UMOD: variants seen among roughly 807,000 people sequenced by gnomAD.
The protein encoded by UMOD is uromodulin.
In UMOD, 64 loss-of-function variants were observed where a neutral mutation model predicts 66.0. That is an observed-to-expected ratio of 0.97 (90% CI 0.79 to 1.19). The LOEUF (loss-of-function observed/expected upper bound fraction) is 1.19. Among genes scored for constraint, UMOD ranks in the 50% most tolerant of loss-of-function variants. UMOD has a pLI of 0.00. For synonymous variants in UMOD, 398 were observed against 352.7 expected (o/e 1.13, Z -1.44); for missense variants, 764 against 850.9 (o/e 0.90, Z 1.27).
At position 20,349,093 on chromosome 16, in the gene UMOD, C is replaced by A. The variant is rs756677160; in HGVS notation, c.208G>T (p.Ala70Ser). ...GLTCVDLDEC[A>S]IPGAHNCSAN... ...GAGCAGTTGTGAGCTCCAGGAATGG[C>A]GCACTCATCCAGGTCCACGCAGGTC... Residue 70 changes from alanine (A) to serine (S), a missense_variant, in exon 3 of 11, where the codon GCC becomes TCC. Physicochemically the swap from Ala to Ser is moderately conservative, Grantham distance 99. Coordinates refer to ENST00000396138, the MANE Select transcript of UMOD (RefSeq NM_003361.4). 10 of 1,613,224 alleles carry A rather than the reference C, an allele frequency of 6.2e-6. No homozygotes were observed. Among genetic ancestry groups the A allele is most frequent in the Non-Finnish European group, 7.6e-6 (9 of 1,179,678 alleles).
At chr16:20,344,195 AGGGGGGGT>A in intron 5 of UMOD, 23 bp from the exon 6 acceptor site, 1 of 562,590 alleles carries the variant, frequency 1.8e-6, no homozygotes, top group Non-Finnish European at 2.8e-6. Context: ...ATGGGGGTGG[AGGGGGGGT>A]GGGGATGAGA....
At chr16:20,344,773 TA>T (rs1285829426) in intron 5 of UMOD, among the ~76,000 whole-genome samples, 1 of 152,168 alleles carries the variant, frequency 6.6e-6, no homozygotes, top group East Asian at 1.9e-4. Flanking sequence ...TCCTGAGTCA[TA>T]GCATTAGTTC....
intron 10 of UMOD, among the ~76,000 whole-genome samples, chr16:20,334,998 T>C (rs1255918239): frequency 1.3e-5 from 2 of 152,004 alleles, no homozygotes; most frequent in Non-Finnish European, 2.9e-5. Context: ...CAGCTAACTT[T>C]TGTATTTTTA....
upstream of UMOD, among the ~76,000 whole-genome samples, chr16:20,355,368 G>C (rs11645680): frequency 0.023 from 3,399 of 150,598 alleles, 112 homozygotes; most frequent in African/African-American, 0.072. Context: ...TCAGCACTTC[G>C]CTCTTGAAAC....
intron 5 of UMOD, 132 bp from the exon 6 acceptor site, chr16:20,344,304 G>A: frequency 1.1e-6 from 1 of 928,494 alleles, no homozygotes; most frequent in Non-Finnish European, 1.7e-6. Flanking sequence ...TAGTCTCCTT[G>A]ATAAAAAGCT....
Position 20,335,522 on chromosome 16 carries a change from T to C in UMOD, c.1823-2A>G. ...CCCTTGAGACTGTGGCCTGGACACC[T>C]TTGGAGGAAAACAGAAGGATCAGTG... On this transcript the variant is annotated splice_acceptor_variant, in intron 9 of 10. Coordinates refer to ENST00000396138, the MANE Select transcript of UMOD (RefSeq NM_003361.4). LOFTEE classifies it high-confidence loss of function. 6.2e-7 allele frequency: 1 copy of C among 1,614,032 alleles called. No individual in the cohort carries two copies.
In UMOD at chr16:20,341,096, C is replaced by G; in HGVS notation, c.1572G>C (p.Gln524His). 1 of 1,613,894 alleles carries G rather than the reference C, an allele frequency of 6.2e-7. No individual in the cohort carries two copies. Among genetic ancestry groups the G allele is most frequent in the Non-Finnish European group, 8.5e-7 (1 of 1,179,980 alleles). The change falls in exon 7 of 11, where the codon CAG becomes CAC. Residue 524 changes from glutamine to histidine, a missense_variant. By Grantham distance (24) the Gln-to-His change is conservative. Transcript: ENST00000396138. ...TGTAGGAACCTTTGCCTTACCTGTCCTGGATGATGAAGTACTTCAGGGGGT... is the reference window on the plus strand; with the variant it reads ...TGTAGGAACCTTTGCCTTACCTGTCGTGGATGATGAAGTACTTCAGGGGGT... ...ATDPLKYFIIQDRCPHTRDST... is the reference protein window; with the variant it reads ...ATDPLKYFIIHDRCPHTRDST...
chr16:20,337,188 C>A, intron 8 of UMOD, 103 bp downstream of exon 8: 1 of 1,475,096 alleles, frequency 6.8e-7, no homozygotes, highest in Non-Finnish European at 9.3e-7. Context: ...CATTCTATCC[C>A]TCTGGTAAAA....
intron 3 of UMOD, 21 bp downstream of exon 3, chr16:20,348,415 T>G (rs371726783): frequency 3.1e-6 from 5 of 1,613,924 alleles, no homozygotes; most frequent in Non-Finnish European, 4.2e-6. Context: ...GGATGAGGAC[T>G]GTGGGGAGAC....
intron 5 of UMOD, among the ~76,000 whole-genome samples, chr16:20,344,935 T>G (rs751996626): frequency 6.6e-6 from 1 of 152,226 alleles, no homozygotes; most frequent in South Asian, 2.1e-4. Flanking sequence ...CTTCCTCTCT[T>G]GAAAACTGAA....
intron 10 of UMOD, among the ~76,000 whole-genome samples, 198 bp downstream of exon 10, chr16:20,335,283 TC>T (rs1964808464): frequency 1.3e-5 from 2 of 152,302 alleles, no homozygotes; most frequent in East Asian, 3.9e-4. Flanking sequence ...GGGGCACATG[TC>T]CCAGCTCTTA....
At position 20,335,397 on chromosome 16, in the gene UMOD, G is replaced by A. The variant is rs570654195; in HGVS notation, c.1861+85C>T. 1.1e-3 allele frequency: 1,546 copies of A among 1,388,594 alleles called. 19 individuals carry two copies. In the South Asian group the frequency reaches 0.013, roughly 12 times the overall value. The allele number at this position is 1,388,594 out of a possible 1,614,324, so 86.0% of individuals were successfully genotyped here. A position where few individuals can be genotyped will look rare whatever the true frequency, so the allele number is the denominator to read the frequency against. On this transcript the variant is annotated intron_variant, in intron 10 of 10. Coordinates refer to ENST00000396138, the MANE Select transcript of UMOD (RefSeq NM_003361.4). ...CTAGTAACACCTCCCTTATAGAGTT[G>A]CTATGAAGCATTACAAGTTAACAGA...
At chr16:20,337,958 T>A (rs900379376) in intron 7 of UMOD, among the ~76,000 whole-genome samples, 1 of 151,938 alleles carries the variant, frequency 6.6e-6, no homozygotes, top group East Asian at 1.9e-4. Context: ...AAACCCGAAA[T>A]AGAGCATGCA....
chr16:20,355,695 C>T (rs1567315603), upstream of UMOD, among the ~76,000 whole-genome samples: 1 of 152,120 alleles, frequency 6.6e-6, no homozygotes, highest in Non-Finnish European at 1.5e-5. Context: ...CCACCACAAC[C>T]AGCCTGAAAC....
chr16:20,350,754 GC>G lies in UMOD; in HGVS notation c.-18del, dbSNP rs1316360111. ...CTGCCCCATCCTTTCTGCTCTTCCC[GC>G]TACTTCAGGTCTAGATAGCACCTGC... On this transcript the variant is annotated 5_prime_UTR_variant, in exon 2 of 11. Transcript: ENST00000396138. 6.2e-7 allele frequency: 1 copy of G among 1,614,002 alleles called. No individual in the cohort carries two copies. The highest frequency in any genetic ancestry group is 8.5e-7 in the Non-Finnish European group (1 of 1,179,962).
At chr16:20,341,573 C>A (rs1321276653) in intron 6 of UMOD, among the ~76,000 whole-genome samples, 1 of 152,126 alleles carries the variant, frequency 6.6e-6, no homozygotes, top group Non-Finnish European at 1.5e-5. Context: ...GGCTCAAGGT[C>A]CTGCATTTCT....
chr16:20,355,587 G>GT (rs11342813), upstream of UMOD, among the ~76,000 whole-genome samples: 9 of 151,044 alleles, frequency 6.0e-5, no homozygotes, highest in East Asian at 2.0e-4. Flanking sequence ...GCTAATTTGT[G>GT]TTTTTTTTGT....
At chr16:20,343,088 C>T (rs141775384) in intron 6 of UMOD, among the ~76,000 whole-genome samples, 4 of 151,176 alleles carry the variant, frequency 2.6e-5, no homozygotes, top group African/African-American at 9.7e-5. Context: ...CAAGATCATG[C>T]CATTGAACTC....
At chr16:20,354,921 C>T (rs1369851295), upstream of UMOD, among the ~76,000 whole-genome samples, 1 of 152,168 alleles carries the variant, frequency 6.6e-6, no homozygotes, top group Non-Finnish European at 1.5e-5. Context: ...CTTAGGGTCA[C>T]TACTTGCTGC....
Sources: allele counts gnomAD v4.1 joint callset (sites outside exome capture counted in the v4.1 genomes callset), GRCh38; gene constraint gnomAD v4.1.1; transcripts MANE v1.5; gene names NCBI Gene and HGNC (gene_info 2026-07-23, HGNC 2026-07-21).